CCDC180: variants seen among roughly 807,000 people sequenced by gnomAD.
The protein encoded by CCDC180 is coiled-coil domain containing 180.
A neutral mutation model predicts 209.2 loss-of-function variants in CCDC180; 154 were observed. That is an observed-to-expected ratio of 0.74 (90% CI 0.65 to 0.84). The LOEUF (loss-of-function observed/expected upper bound fraction) is 0.84, where lower values mean the gene tolerates loss of function less well. Among genes scored for constraint, CCDC180 ranks in the 40% least tolerant of loss-of-function variants. CCDC180 has a pLI of 0.00. For synonymous variants in CCDC180, 778 were observed against 749.1 expected, an observed-to-expected ratio of 1.04 and a Z score of -0.63; for missense variants, 1,874 against 1,997.3, an observed-to-expected ratio of 0.94 and a Z score of 1.18.
Position 97,318,104 on chromosome 9 carries a change from CTG to C in CCDC180, c.960-358_960-357del, listed in dbSNP as rs1485037620. 1.2e-4 allele frequency among the ~76,000 whole-genome samples: 18 copies of C among 152,130 alleles called. 1 individual carries two copies. The East Asian group carries it at 3.5e-3, about 29-fold the overall frequency. On this transcript the variant is annotated intron_variant, in intron 9 of 36. Coordinates refer to ENST00000529487, the MANE Select transcript of CCDC180 (RefSeq NM_020893.6). ...GAGTTCCATTTTACAGAAGAAGAAACTGAGGTTCAGAGTAGGAGAAGGACTTG... is the reference window on the plus strand; with the variant it reads ...GAGTTCCATTTTACAGAAGAAGAAACAGGTTCAGAGTAGGAGAAGGACTTG...
intron 28 of CCDC180, chr9:97,363,780 C>A: frequency 1.8e-6 from 1 of 551,814 alleles, no homozygotes; most frequent in Non-Finnish European, 3.5e-6. Flanking sequence ...ATGCAAATTT[C>A]TGGGCCTGAG....
In CCDC180 at chr9:97,309,583, T is replaced by C. The variant is rs1209007967; in HGVS notation, c.239T>C (p.Met80Thr). The C allele has an allele frequency of 6.3e-7, 1 of 1,587,332 alleles. No individual in the cohort carries two copies. Among genetic ancestry groups the C allele is most frequent in the Non-Finnish European group, 8.6e-7 (1 of 1,168,692 alleles). Residue 80 changes from methionine (M) to threonine (T), a missense_variant, in exon 3 of 37, where the codon ATG becomes ACG. Physicochemically the swap from Met to Thr is moderately conservative, Grantham distance 81. Transcript: ENST00000529487. ...WMHSLPNDWI[M>T]ENPVLHREKE... is the part of the protein sequence containing the mutation. Reference sequence around the variant, plus strand: ...CACAGCCTCCCCAACGACTGGATCATGGAAAACCCTGTTCTCCACAGGTAG... The same window carrying C: ...CACAGCCTCCCCAACGACTGGATCACGGAAAACCCTGTTCTCCACAGGTAG...
intron 21 of CCDC180, among the ~76,000 whole-genome samples, chr9:97,349,768 G>GC (rs1223871768): frequency 2.0e-5 from 3 of 152,208 alleles, no homozygotes; most frequent in Non-Finnish European, 4.4e-5. Context: ...TGAGATGGAG[G>GC]CCTCAGGCAG....
chr9:97,325,344 C>G, intron 14 of CCDC180, 152 bp downstream of exon 14: 2 of 734,360 alleles, frequency 2.7e-6, no homozygotes, highest in Non-Finnish European at 4.3e-6. Flanking sequence ...ATGGGAGTAG[C>G]AGAAATCTCC....
chr9:97,341,525 T>C (rs557107473), intron 18 of CCDC180, among the ~76,000 whole-genome samples: 3 of 152,166 alleles, frequency 2.0e-5, no homozygotes, highest in Non-Finnish European at 4.4e-5. Context: ...ACAGCAAATA[T>C]TGCTGCCTGA....
At chr9:97,314,571 C>G in intron 6 of CCDC180, 47 bp from the exon 7 acceptor site, 1 of 1,613,510 alleles carries the variant, frequency 6.2e-7, no homozygotes, top group Non-Finnish European at 8.5e-7. Flanking sequence ...CCTGCTTCTT[C>G]CCTGCCTCCC....
At chr9:97,352,473 A>G (rs1587821928) in intron 22 of CCDC180, among the ~76,000 whole-genome samples, 1 of 152,292 alleles carries the variant, frequency 6.6e-6, no homozygotes, top group Non-Finnish European at 1.5e-5. Flanking sequence ...GGGATTCACA[A>G]CAGTTGAATA....
chr9:97,369,811 A>G lies in CCDC180; in HGVS notation c.4190-111A>G, dbSNP rs1827026637. The G allele has an allele frequency of 1.2e-5, 14 of 1,204,312 alleles. No homozygotes were observed. The Admixed American group carries it at 2.8e-4, about 24-fold the overall frequency. 74.6% of individuals were successfully genotyped at this position (1,204,312 alleles called of 1,614,324 possible). On this transcript the variant is annotated intron_variant, in intron 31 of 36. Transcript: ENST00000529487. Reference sequence around the variant, plus strand: ...TGGAATAGCTCTTACCACGTTGGAGACCAAGATTTTCTCTTTGGGAAGCTG... The same window carrying G: ...TGGAATAGCTCTTACCACGTTGGAGGCCAAGATTTTCTCTTTGGGAAGCTG...
chr9:97,323,684 G>T lies in CCDC180; in HGVS notation c.1249-97G>T, dbSNP rs1371112454. 3 of 1,394,642 alleles carry T rather than the reference G, an allele frequency of 2.2e-6. No individual in the cohort carries two copies. In the East Asian group the frequency reaches 7.7e-5, roughly 36 times the overall value. 86.4% of individuals were successfully genotyped at this position (1,394,642 alleles called of 1,614,324 possible). Reference sequence around the variant, plus strand: ...TGCAGGGCCCTTCACCTGGAGCTCAGGTCTGACTTGTGCAACGCTGAGGCC... The same window carrying T: ...TGCAGGGCCCTTCACCTGGAGCTCATGTCTGACTTGTGCAACGCTGAGGCC... On this transcript the variant is annotated intron_variant, in intron 12 of 36. Coordinates refer to ENST00000529487, the MANE Select transcript of CCDC180 (RefSeq NM_020893.6).
intron 30 of CCDC180, among the ~76,000 whole-genome samples, chr9:97,365,976 C>T (rs976007767): frequency 1.3e-5 from 2 of 152,258 alleles, no homozygotes; most frequent in Non-Finnish European, 2.9e-5. Flanking sequence ...ATGTCAGGTA[C>T]TGTGTGTGCC....
Position 97,374,337 on chromosome 9 carries a change from T to G in CCDC180, c.4601-206T>G, listed in dbSNP as rs563794611. The G allele has an allele frequency of 5.4e-6, 3 of 555,458 alleles. No individual in the cohort carries two copies. In the East Asian group the frequency reaches 9.0e-5, roughly 17 times the overall value. The allele number at this position is 555,458 out of a possible 1,614,324, so 34.4% of individuals were successfully genotyped here. A position where few individuals can be genotyped will look rare whatever the true frequency, so the allele number is the denominator to read the frequency against. Reference sequence around the variant, plus strand: ...GCACCCACACCACCGCTTAGATTCCTCCATCCATGACCCCCTGCCCCTGTC... The same window carrying G: ...GCACCCACACCACCGCTTAGATTCCGCCATCCATGACCCCCTGCCCCTGTC... On this transcript the variant is annotated intron_variant, in intron 34 of 36. Transcript: ENST00000529487.
Position 97,362,375 on chromosome 9 carries a change from A to C in CCDC180, c.3836A>C (p.His1279Pro). ...TCGTCACCCAAAGGCTTCAAGCGAC[A>C]TCGGTGCCAGCCAGAAAACTCTGGG... ...GPSSPKGFKR[H>P]RCQPENSGKK... The change falls in exon 28 of 37, where the codon CAT (histidine) becomes CCT (proline). Residue 1279 changes from histidine to proline, a missense_variant. Coordinates refer to ENST00000529487, the MANE Select transcript of CCDC180 (RefSeq NM_020893.6). 6.2e-7 allele frequency: 1 copy of C among 1,614,102 alleles called. No homozygotes were observed. The highest frequency in any genetic ancestry group is 8.5e-7 in the Non-Finnish European group (1 of 1,180,004).
chr9:97,326,626 C>CA lies in CCDC180; in HGVS notation c.1619dup (p.His540GlnfsTer17). On this transcript the variant is annotated frameshift_variant, in exon 15 of 37. Transcript: ENST00000529487. LOFTEE classifies it high-confidence loss of function. ...AAGTGACAAAGAAACACTGGCGTTTCACCTGGAAAAGGTCAAAGATTATCT... is the reference window on the plus strand; with the variant it reads ...AAGTGACAAAGAAACACTGGCGTTTCAACCTGGAAAAGGTCAAAGATTATCT... 6.2e-7 allele frequency: 1 copy of CA among 1,613,826 alleles called. No homozygotes were observed. Among genetic ancestry groups the CA allele is most frequent in the African/African-American group, 1.3e-5 (1 of 75,010 alleles).
Position 97,376,812 on chromosome 9 carries a change from G to C in CCDC180, c.4892G>C (p.Cys1631Ser), listed in dbSNP as rs773436498. 21 of 1,613,532 alleles carry C rather than the reference G, an allele frequency of 1.3e-5. No individual in the cohort carries two copies. Among genetic ancestry groups the C allele is most frequent in the Non-Finnish European group, 1.6e-5 (19 of 1,179,960 alleles). The change falls in exon 37 of 37, where the codon TGT (cysteine) becomes TCT (serine). Residue 1631 changes from cysteine (C) to serine (S), a missense_variant. Cys to Ser is a moderately radical substitution (Grantham distance 112). Coordinates refer to ENST00000529487, the MANE Select transcript of CCDC180 (RefSeq NM_020893.6). ...EEELKRIQDD[C>S]TSQIKEAQRW... ...GAGCTAAAGAGGATCCAGGATGACTGTACATCTCAGATAAAGGAGGCTCAG... is the reference window on the plus strand; with the variant it reads ...GAGCTAAAGAGGATCCAGGATGACTCTACATCTCAGATAAAGGAGGCTCAG...
intron 3 of CCDC180, among the ~76,000 whole-genome samples, chr9:97,311,043 GC>G (rs1832969224): frequency 6.6e-6 from 1 of 152,144 alleles, no homozygotes; most frequent in Middle Eastern, 3.2e-3. Context: ...TCTCCCTCAG[GC>G]GTCAAAGCAA....
In CCDC180 at chr9:97,366,634, A is replaced by G. The variant is rs1826929217; in HGVS notation, c.4123A>G (p.Asn1375Asp). The change falls in exon 31 of 37, where the codon AAC (asparagine) becomes GAC (aspartate). Residue 1375 changes from asparagine (N) to aspartate (D), a missense_variant. Transcript: ENST00000529487. This position sits in a 1 kb window ranked among gnomAD's most constrained non-coding sequence, Gnocchi z 4.3. ...TGACACCTTTGACCAGTGCGCCGAG[A>G]ACATTAGCAAAAAGATCCTGGAGTA... ...MCDTFDQCAE[N>D]ISKKILEYQS... 2 of 1,614,220 alleles carry G rather than the reference A, an allele frequency of 1.2e-6. No individual in the cohort carries two copies. The highest frequency in any genetic ancestry group is 1.7e-6 in the Non-Finnish European group (2 of 1,180,040).
At chr9:97,309,809 G>A (rs903077323) in intron 3 of CCDC180, among the ~76,000 whole-genome samples, 10 of 152,192 alleles carry the variant, frequency 6.6e-5, no homozygotes, top group African/African-American at 1.9e-4. Flanking sequence ...TATTGATTAA[G>A]TGCCTAGGAC....
intron 28 of CCDC180, 67 bp from the exon 29 acceptor site, chr9:97,363,984 T>C (rs1208070172): frequency 8.1e-6 from 12 of 1,487,422 alleles, no homozygotes; most frequent in African/African-American, 1.4e-5. Flanking sequence ...GCAGGGATCC[T>C]GCAGGCTCAG....
chr9:97,345,925 A>C (rs892664063), intron 19 of CCDC180: 8 of 152,722 alleles, frequency 5.2e-5, no homozygotes, highest in African/African-American at 1.9e-4. Context: ...ATTAGGGTTA[A>C]TTTACTTTGT....
Sources: allele counts gnomAD v4.1 joint callset (sites outside exome capture counted in the v4.1 genomes callset), GRCh38; gene constraint gnomAD v4.1.1; non-coding constraint Gnocchi (gnomAD v3.1); transcripts MANE v1.5; gene names NCBI Gene and HGNC (gene_info 2026-07-23, HGNC 2026-07-21).